The following ROBO2 variants were observed in gnomAD, a reference collection of about 807,000 sequenced individuals.
ROBO2 encodes roundabout homolog 2.
In ROBO2, 53 loss-of-function variants were observed where a neutral mutation model predicts 160.8. That is an observed-to-expected ratio of 0.33 (90% CI 0.26 to 0.41). The LOEUF (loss-of-function observed/expected upper bound fraction) is 0.41, where lower values mean the gene tolerates loss of function less well. Ranked by LOEUF, ROBO2 falls within the 10% of genes least tolerant of loss-of-function variation. The pLI is 1.00. For missense variants in ROBO2, 1,577 were observed against 1,722.4 expected (o/e 0.92, Z 1.49); for synonymous variants, 664 against 611.7 (o/e 1.09, Z -1.26).
chr3:76,475,890 T>C (rs9871221), intron 2 of ROBO2, among the ~76,000 whole-genome samples: 20,114 of 152,202 alleles, frequency 0.13, 1,615 homozygotes, highest in African/African-American at 0.22. Flanking sequence ...CCGTGGCTCA[T>C]GCCTGTAATC....
At chr3:76,965,385 T>A (rs1030924758) in intron 2 of ROBO2, among the ~76,000 whole-genome samples, 1 of 152,220 alleles carries the variant, frequency 6.6e-6, no homozygotes, top group East Asian at 1.9e-4. Context: ...CCTTTCTGAC[T>A]CTTCCTGCCT....
intron 2 of ROBO2, among the ~76,000 whole-genome samples, chr3:76,243,702 G>C (rs529752531): frequency 6.6e-6 from 1 of 152,134 alleles, no homozygotes; most frequent in African/African-American, 2.4e-5. Context: ...TTCCCCTGTC[G>C]TTTACCTCCC....
At chr3:76,295,891 GA>G (rs1384965313) in intron 2 of ROBO2, among the ~76,000 whole-genome samples, 1 of 152,156 alleles carries the variant, frequency 6.6e-6, no homozygotes. Context: ...ACCGGATTGA[GA>G]TAGGAGAAGC....
intron 2 of ROBO2, among the ~76,000 whole-genome samples, chr3:76,231,079 C>G (rs534115246): frequency 1.3e-5 from 2 of 152,274 alleles, no homozygotes; most frequent in South Asian, 4.1e-4. Flanking sequence ...AGACTTACTG[C>G]TTTCAGAACA....
intron 2 of ROBO2, among the ~76,000 whole-genome samples, chr3:76,619,939 TTAA>T (rs913859412): frequency 5.3e-5 from 8 of 152,096 alleles, no homozygotes; most frequent in African/African-American, 7.2e-5. Flanking sequence ...TCATTACAAA[TTAA>T]TAATAATAAA....
intron 2 of ROBO2, among the ~76,000 whole-genome samples, chr3:77,344,966 G>A (rs2067470513): frequency 6.6e-6 from 1 of 151,956 alleles, no homozygotes; most frequent in African/African-American, 2.4e-5. Flanking sequence ...ATCTACTTCA[G>A]CATGACAAAT....
chr3:76,309,877 A>C (rs2071494957), intron 2 of ROBO2, among the ~76,000 whole-genome samples: 2 of 152,274 alleles, frequency 1.3e-5, no homozygotes, highest in African/African-American at 2.4e-5. Context: ...AGGCTGGAGT[A>C]TAGTGGCACC....
chr3:76,923,360 T>A (rs1339101275), intron 2 of ROBO2, among the ~76,000 whole-genome samples: 1 of 152,244 alleles, frequency 6.6e-6, no homozygotes, highest in African/African-American at 2.4e-5. Context: ...AATTTCACTA[T>A]GATTTGCTCT....
chr3:76,158,932 C>A (rs1236521206), intron 2 of ROBO2, among the ~76,000 whole-genome samples: 1 of 152,014 alleles, frequency 6.6e-6, no homozygotes, highest in Non-Finnish European at 1.5e-5. Flanking sequence ...TATAATAATT[C>A]TTATGCACAG....
At chr3:76,421,010 A>G (rs2075973744) in intron 2 of ROBO2, among the ~76,000 whole-genome samples, 1 of 152,218 alleles carries the variant, frequency 6.6e-6, no homozygotes, top group Non-Finnish European at 1.5e-5. Flanking sequence ...CTGATATTTA[A>G]TAGGACTTAT....
At chr3:76,999,866 C>G (rs181647477) in intron 2 of ROBO2, among the ~76,000 whole-genome samples, 1 of 152,052 alleles carries the variant, frequency 6.6e-6, no homozygotes, top group Non-Finnish European at 1.5e-5. Context: ...TTGTCTGTTT[C>G]ATGTGTTGTT....
chr3:77,592,729 T>G (rs1456104406), intron 17 of ROBO2, among the ~76,000 whole-genome samples: 1 of 152,032 alleles, frequency 6.6e-6, no homozygotes, highest in East Asian at 1.9e-4. Flanking sequence ...TTTTTGTATT[T>G]TTAGTAGAGA....
chr3:77,635,000 C>G, exon 24 of ROBO2: 1 of 1,614,118 alleles, frequency 6.2e-7, no homozygotes, highest in Non-Finnish European at 8.5e-7. Flanking sequence ...GGCGGATGGA[C>G]CAACAACCAG....
intron 16 of ROBO2, among the ~76,000 whole-genome samples, chr3:77,584,860 A>ATTT (rs1294696610): frequency 6.7e-6 from 1 of 150,080 alleles, no homozygotes; most frequent in Non-Finnish European, 1.5e-5. Context: ...ATAAGCCCTT[A>ATTT]TTTTTTCACT....
At chr3:77,505,460 G>T (rs1226796925) in intron 5 of ROBO2, among the ~76,000 whole-genome samples, 1 of 151,962 alleles carries the variant, frequency 6.6e-6, no homozygotes, top group Admixed American at 6.6e-5. Context: ...AAATAGAGAA[G>T]TCAAAAGGTA....
intron 2 of ROBO2, among the ~76,000 whole-genome samples, chr3:76,581,639 A>G (rs2085708796): frequency 6.6e-6 from 1 of 152,126 alleles, no homozygotes; most frequent in East Asian, 1.9e-4. Context: ...CCTGACTCAA[A>G]AAATTCATCA....
At chr3:76,262,876 A>G (rs6780350) in intron 2 of ROBO2, among the ~76,000 whole-genome samples, 125,065 of 152,036 alleles carry the variant, frequency 0.82, 52,582 homozygotes, top group East Asian at 0.94. Context: ...TACTTCTACC[A>G]AATTGGTTCC....
chr3:76,049,403 A>ATATTTT (rs1414664360), intron 2 of ROBO2, among the ~76,000 whole-genome samples: 1 of 53,752 alleles, frequency 1.9e-5, no homozygotes. Flanking sequence ...ATATATATAT[A>ATATTTT]TTTTTTTTTT....
chr3:76,289,422 T>A (rs1708693315), intron 2 of ROBO2, among the ~76,000 whole-genome samples: 1 of 152,196 alleles, frequency 6.6e-6, no homozygotes, highest in Non-Finnish European at 1.5e-5. Flanking sequence ...GCAAATATTT[T>A]CTCCCATTCT....
Sources: gnomAD v4.1 joint callset for allele counts (sites outside exome capture counted in the v4.1 genomes callset) on GRCh38, gnomAD v4.1.1 for gene constraint, MANE v1.5 for transcripts, NCBI Gene and HGNC (gene_info 2026-07-23, HGNC 2026-07-21) for gene names.